Variants in ZFHX3 observed in about 807,000 individuals in gnomAD.
The protein encoded by ZFHX3 is zinc finger homeobox protein 3.
ZFHX3 carries 42 observed loss-of-function variants against 279.1 expected under a neutral mutation model. The observed-to-expected ratio is 0.15, with a 90% CI of 0.12 to 0.19. The LOEUF (loss-of-function observed/expected upper bound fraction) is 0.19. ZFHX3 is among the 10% of genes least tolerant of loss of function. The pLI is 1.00. For missense variants in ZFHX3, 4,981 were observed against 4,754.0 expected (o/e 1.05, Z -1.40); for synonymous variants, 2,293 against 1,957.8 (o/e 1.17, Z -4.52).
intron 3 of ZFHX3, among the ~76,000 whole-genome samples, chr16:72,926,640 G>T (rs1959462236): frequency 1.3e-5 from 2 of 152,142 alleles, no homozygotes; most frequent in Non-Finnish European, 2.9e-5. Context: ...GTGGGAGATA[G>T]GTCCCGACCA....
chr16:73,482,174 CAG>C (rs1282580912), intron 2 of ZFHX3, among the ~76,000 whole-genome samples: 1 of 152,164 alleles, frequency 6.6e-6, no homozygotes, highest in Non-Finnish European at 1.5e-5. Flanking sequence ...TGCTGAGACA[CAG>C]GGGGTGGCCT....
intron 2 of ZFHX3, among the ~76,000 whole-genome samples, chr16:73,575,125 A>G (rs74030118): frequency 0.031 from 4,664 of 152,262 alleles, 239 homozygotes; most frequent in African/African-American, 0.11. Flanking sequence ...GTTCTACATC[A>G]CAGTTATCTA....
At chr16:73,006,501 T>C (rs999985901) in intron 1 of ZFHX3, among the ~76,000 whole-genome samples, 3 of 152,078 alleles carry the variant, frequency 2.0e-5, no homozygotes, top group African/African-American at 7.2e-5. Context: ...TGTGTGCCTG[T>C]AGTCCCAGCT....
intron 3 of ZFHX3, among the ~76,000 whole-genome samples, chr16:72,907,171 G>C (rs564511333): frequency 1.3e-5 from 2 of 152,080 alleles, no homozygotes; most frequent in African/African-American, 2.4e-5. Flanking sequence ...TATTTTAAAG[G>C]CTTAAGTCTT....
chr16:73,172,997 TTTTTTTTTTTG>T lies in ZFHX3; in HGVS notation c.-1103-29177_-1103-29167del, dbSNP rs1157886536. ...GTTTCCTGATGGGACTGTTTTTTTG[TTTTTTTTTTTG>T]TTTTTTTTTTTTTTTTTTGGGAGGG... On this transcript the variant is annotated intron_variant, in intron 5 of 17. Transcript: ENST00000641206. 9.8e-3 allele frequency among the ~76,000 whole-genome samples: 544 copies of T among 55,292 alleles called. 23 individuals carry two copies. Among genetic ancestry groups the T allele is most frequent in the East Asian group, 0.036 (82 of 2,258 alleles). The allele number at this position is 55,292 out of a possible 152,430, so 36.3% of individuals were successfully genotyped here. A position where few individuals can be genotyped will look rare whatever the true frequency, so the allele number is the denominator to read the frequency against.
Position 73,007,619 on chromosome 16 carries a change from T to C in ZFHX3, c.-50+40133A>G, listed in dbSNP as rs568980525. 5.9e-5 allele frequency among the ~76,000 whole-genome samples: 9 copies of C among 152,262 alleles called. No homozygotes were observed. In the East Asian group the frequency reaches 1.7e-3, roughly 29 times the overall value. On this transcript the variant is annotated intron_variant, in intron 1 of 9. Coordinates refer to ENST00000268489, the MANE Select transcript of ZFHX3 (RefSeq NM_006885.4). ...CCACCACCGCACCCGGCTGATTTTT[T>C]GTATCTTTAGTAGAGACTGGGTTTC...
At chr16:72,927,531 A>C (rs1045160730) in intron 3 of ZFHX3, among the ~76,000 whole-genome samples, 1 of 152,074 alleles carries the variant, frequency 6.6e-6, no homozygotes, top group Non-Finnish European at 1.5e-5. Flanking sequence ...ATTTGGGGGA[A>C]CGTTCAGCCA....
chr16:73,766,950 TTC>T (rs202169232), intron 1 of ZFHX3, among the ~76,000 whole-genome samples: 33,371 of 137,682 alleles, frequency 0.24, 4,007 homozygotes, highest in Non-Finnish European at 0.28. Flanking sequence ...TTTTTTTTTT[TTC>T]CGAGATGGAG....
intron 2 of ZFHX3, chr16:73,543,982 AAAGGAGGGTCCCCG>A (rs2020066343): frequency 6.6e-6 from 1 of 152,204 alleles, no homozygotes; most frequent in African/African-American, 2.4e-5. Flanking sequence ...ATAGAGCGAA[AAAGGAGGGTCCCCG>A]ACTTCCTCAC....
Position 72,787,157 on chromosome 16 carries a change from T to C in ZFHX3, c.*7A>G. Reference sequence around the variant, plus strand: ...ATTCATTTGTTTGTATTGTTCATCTTCAAAGCTTACAATCTGAAGGTGTCC... The same window carrying C: ...ATTCATTTGTTTGTATTGTTCATCTCCAAAGCTTACAATCTGAAGGTGTCC... On this transcript the variant is annotated 3_prime_UTR_variant, in exon 10 of 10. Transcript: ENST00000268489. 6.0e-6 allele frequency: 9 copies of C among 1,498,606 alleles called. No homozygotes were observed. The highest frequency in any genetic ancestry group is 8.1e-6 in the Non-Finnish European group (9 of 1,117,042). 92.8% of individuals were successfully genotyped at this position (1,498,606 alleles called of 1,614,324 possible).
chr16:72,999,717 G>A (rs138860706), intron 1 of ZFHX3, among the ~76,000 whole-genome samples: 175 of 152,038 alleles, frequency 1.2e-3, no homozygotes, highest in African/African-American at 3.9e-3. Flanking sequence ...ATGCCAGCGT[G>A]GGCAGGGGTC....
chr16:72,811,454 GTT>G, intron 7 of ZFHX3, 121 bp downstream of exon 7: 1 of 1,089,454 alleles, frequency 9.2e-7, no homozygotes, highest in Non-Finnish European at 1.3e-6. Context: ...AACAAGGACT[GTT>G]TTCTGACGTT....
Position 73,180,542 on chromosome 16 carries a change from C to T in ZFHX3, c.-1103-36711G>A, listed in dbSNP as rs143500262. ...ATTGCATGTGTAGCCAATCAACTTT[C>T]TATGCCAATCCACTGTGTTTACCCT... On this transcript the variant is annotated intron_variant, in intron 5 of 17. Transcript: ENST00000641206. 8.9e-4 allele frequency among the ~76,000 whole-genome samples: 136 copies of T among 152,296 alleles called. No individual in the cohort carries two copies. In the East Asian group the frequency reaches 0.017, roughly 19 times the overall value.
At chr16:73,479,999 G>A (rs2018836589) in intron 2 of ZFHX3, among the ~76,000 whole-genome samples, 1 of 152,170 alleles carries the variant, frequency 6.6e-6, no homozygotes, top group Non-Finnish European at 1.5e-5. Context: ...ATTGGCAGTC[G>A]TGGGGACCTG....
At chr16:73,395,168 A>T (rs1208897905) in intron 3 of ZFHX3, among the ~76,000 whole-genome samples, 1 of 152,120 alleles carries the variant, frequency 6.6e-6, no homozygotes, top group African/African-American at 2.4e-5. Flanking sequence ...CACCCTCACA[A>T]AAAAGGATCA....
chr16:73,075,784 C>T (rs183885541), intron 8 of ZFHX3, among the ~76,000 whole-genome samples: 45 of 152,096 alleles, frequency 3.0e-4, no homozygotes, highest in Admixed American at 2.1e-3. Flanking sequence ...CAGGTGCATG[C>T]CACTATGCCT....
chr16:72,794,166 T>TTGAC lies in ZFHX3; in HGVS notation c.8512_8515dup (p.Asn2839SerfsTer18). 6.2e-7 allele frequency: 1 copy of TTGAC among 1,614,222 alleles called. No homozygotes were observed. The highest frequency in any genetic ancestry group is 8.5e-7 in the Non-Finnish European group (1 of 1,180,038). On this transcript the variant is annotated frameshift_variant, in exon 9 of 10. Transcript: ENST00000268489. LOFTEE classifies it high-confidence loss of function. The surrounding 1 kb of genome is among the most constrained non-coding windows in gnomAD (Gnocchi z 4.2). Reference sequence around the variant, plus strand: ...AGTTGTGGTATCTGTGATTGCTGTGTTGACAGAGGAACAGTCATCGTTGTC... The same window carrying TTGAC: ...AGTTGTGGTATCTGTGATTGCTGTGTTGACTGACAGAGGAACAGTCATCGTTGTC...
At chr16:73,405,048 G>A (rs1165801904) in intron 3 of ZFHX3, among the ~76,000 whole-genome samples, 4 of 152,160 alleles carry the variant, frequency 2.6e-5, no homozygotes, top group Non-Finnish European at 4.4e-5. Context: ...ACCAATGGCC[G>A]TGATGGGACC....
chr16:73,682,827 G>T (rs2053025224), intron 1 of ZFHX3, among the ~76,000 whole-genome samples: 2 of 130,392 alleles, frequency 1.5e-5, no homozygotes, highest in Non-Finnish European at 3.3e-5. Context: ...AAAGAGAAAA[G>T]GAGAGAGAGA....
Sources: gnomAD v4.1 joint callset for allele counts (sites outside exome capture counted in the v4.1 genomes callset) on GRCh38, gnomAD v4.1.1 for gene constraint, Gnocchi (gnomAD v3.1) non-coding constraint, MANE v1.5 for transcripts, NCBI Gene and HGNC (gene_info 2026-07-23, HGNC 2026-07-21) for gene names.